PMPCB: variants seen among roughly 807,000 people sequenced by gnomAD.
PMPCB encodes the protein peptidase, mitochondrial processing subunit beta.
A neutral mutation model predicts 61.5 loss-of-function variants in PMPCB; 46 were observed. The ratio of observed to expected loss-of-function variants is 0.75; its 90% CI spans 0.59 to 0.96. PMPCB has a LOEUF of 0.96. Among genes scored for constraint, PMPCB ranks in the 40% least tolerant of loss-of-function variants. The probability of loss-of-function intolerance (pLI) is 0.00; values close to 1 mark genes in which losing one functional copy is unlikely to be tolerated. For synonymous variants in PMPCB, 191 were observed against 201.6 expected, an observed-to-expected ratio of 0.95 and a Z score of 0.44; for missense variants, 590 against 602.4, an observed-to-expected ratio of 0.98 and a Z score of 0.22.
At chr7:103,306,136 G>C (rs1277835117) in intron 6 of PMPCB, among the ~76,000 whole-genome samples, 1 of 152,012 alleles carries the variant, frequency 6.6e-6, no homozygotes, top group African/African-American at 2.4e-5. Flanking sequence ...TTATGTCTTG[G>C]CTACCATTTA....
At chr7:103,326,154 T>C (rs1818694058) in intron 12 of PMPCB, among the ~76,000 whole-genome samples, 1 of 151,902 alleles carries the variant, frequency 6.6e-6, no homozygotes, top group East Asian at 1.9e-4. Flanking sequence ...AATTTTTGTA[T>C]TTTAGTAGAG....
chr7:103,306,618 C>T (rs1817599672), intron 6 of PMPCB, among the ~76,000 whole-genome samples: 1 of 152,154 alleles, frequency 6.6e-6, no homozygotes, highest in Non-Finnish European at 1.5e-5. Context: ...CCTCTGACCT[C>T]AGGTGATCCG....
At position 103,314,571 on chromosome 7, in the gene PMPCB, G is replaced by T; in HGVS notation, c.*2300G>T. The T allele has an allele frequency of 1.0e-6, 1 of 985,342 alleles. No homozygotes were observed. The highest frequency in any genetic ancestry group is 1.2e-6 in the Non-Finnish European group (1 of 829,880). The allele number at this position is 985,342 out of a possible 1,614,324, so 61.0% of individuals were successfully genotyped here. On this transcript the variant is annotated 3_prime_UTR_variant, in exon 13 of 13. Coordinates refer to ENST00000249269, the MANE Select transcript of PMPCB (RefSeq NM_004279.3). ...AGTGTGCTAATACCTGTTGTATTTT[G>T]TGGAGATAAAGGTGCAGGAGAATAA...
At chr7:103,300,132 G>C (rs1817408591) in intron 3 of PMPCB, 46 bp from the exon 4 acceptor site, 1 of 1,556,074 alleles carries the variant, frequency 6.4e-7, no homozygotes, top group Non-Finnish European at 8.8e-7. Context: ...AATAGATGAA[G>C]TATAAAGGGA....
chr7:103,312,934 T>A lies in PMPCB; in HGVS notation c.*663T>A. On this transcript the variant is annotated 3_prime_UTR_variant, in exon 13 of 13. Coordinates refer to ENST00000249269, the MANE Select transcript of PMPCB (RefSeq NM_004279.3). ...TTAAAATACAACAATCTATAAACGC[T>A]TAAGTCTGCAACCTTGTATCGTTTC... The A allele has an allele frequency of 6.2e-7, 1 of 1,602,428 alleles. No homozygotes were observed. The highest frequency in any genetic ancestry group is 8.5e-7 in the Non-Finnish European group (1 of 1,177,144).
chr7:103,298,839 C>G, intron 2 of PMPCB, 131 bp downstream of exon 2: 1 of 816,894 alleles, frequency 1.2e-6, no homozygotes, highest in Non-Finnish European at 1.9e-6. Context: ...GACAGATTTC[C>G]ATGAGTTGTG....
downstream of PMPCB, among the ~76,000 whole-genome samples, chr7:103,330,138 C>T (rs1029741302): frequency 6.6e-6 from 1 of 152,196 alleles, no homozygotes; most frequent in South Asian, 2.1e-4. Context: ...TGTGCTTTCA[C>T]TACCTACTCA....
At chr7:103,340,485 A>G in the PMPCB span, among the ~76,000 whole-genome samples, 19 of 152,344 alleles carry the variant, frequency 1.2e-4, no homozygotes, top group African/African-American at 3.6e-4. Flanking sequence ...GGCATTTATC[A>G]TGCAGCAAGT....
downstream of PMPCB, among the ~76,000 whole-genome samples, chr7:103,332,482 A>G (rs1453398392): frequency 6.6e-6 from 1 of 152,228 alleles, no homozygotes; most frequent in Non-Finnish European, 1.5e-5. Flanking sequence ...CGATTCTCCA[A>G]TTACAAAATA....
chr7:103,318,394 T>C (rs537168083), downstream of PMPCB, among the ~76,000 whole-genome samples: 1 of 152,222 alleles, frequency 6.6e-6, no homozygotes, highest in African/African-American at 2.4e-5. Flanking sequence ...TTTATACTTC[T>C]ACTTCTATTT....
the PMPCB span, chr7:103,341,959 G>A: frequency 2.6e-6 from 4 of 1,558,294 alleles, no homozygotes; most frequent in African/African-American, 4.1e-5. Context: ...TAGAGGCTGT[G>A]ATTGAAAGTG....
chr7:103,309,938 TCTCCAAAATACATTTCATCTAAA>T (rs1182293852), intron 8 of PMPCB, among the ~76,000 whole-genome samples: 3 of 152,258 alleles, frequency 2.0e-5, no homozygotes, highest in African/African-American at 7.2e-5. Context: ...CTCATAGATT[TCTCCAAAATACATTTCATCTAAA>T]TAATCTTAAG....
intron 6 of PMPCB, among the ~76,000 whole-genome samples, chr7:103,305,434 T>C (rs1477847920): frequency 1.3e-5 from 2 of 152,214 alleles, no homozygotes; most frequent in Admixed American, 1.3e-4. Context: ...AATACATTTA[T>C]AGAAATAGAG....
chr7:103,303,640 G>A (rs1220112661), intron 4 of PMPCB, among the ~76,000 whole-genome samples: 1 of 151,942 alleles, frequency 6.6e-6, no homozygotes, highest in Non-Finnish European at 1.5e-5. Flanking sequence ...TTTTCCCCAA[G>A]GAAAAAATCT....
chr7:103,317,045 A>T (rs770243930), downstream of PMPCB: 5 of 1,570,962 alleles, frequency 3.2e-6, no homozygotes, highest in South Asian at 4.5e-5. Context: ...AGGGACTTAG[A>T]AGTATACTGT....
At chr7:103,337,846 A>T in the PMPCB span, 1 of 1,488,122 alleles carries the variant, frequency 6.7e-7, no homozygotes, top group Admixed American at 1.7e-5. Context: ...TCAAATTTGA[A>T]ATGAAGCCAA....
At position 103,298,703 on chromosome 7, in the gene PMPCB, T is replaced by C; in HGVS notation, c.235T>C (p.Cys79Arg). The stretch of plus-strand genomic sequence containing the variant: ...TTCGGAAGACTCTGGGCTCTCAACA[T>C]GCACAGTAAGTGACTCAGGCAACCT... The part of the protein sequence containing the change: ...VASEDSGLST[C>R]TVGLWIDAGS... The change falls in exon 2 of 13, where the codon TGC becomes CGC. Residue 79 changes from cysteine to arginine, a missense_variant. Transcript: ENST00000249269. The C allele has an allele frequency of 2.5e-6, 4 of 1,613,974 alleles. No individual in the cohort carries two copies. The highest frequency in any genetic ancestry group is 3.4e-6 in the Non-Finnish European group (4 of 1,179,902).
At chr7:103,303,773 G>C in intron 4 of PMPCB, 69 bp from the exon 5 acceptor site, 1 of 1,056,480 alleles carries the variant, frequency 9.5e-7, no homozygotes, top group East Asian at 2.6e-5. Context: ...TTCTGATTTT[G>C]GTTTAATAGA....
At chr7:103,344,568 G>A in the PMPCB span, 1 of 1,613,698 alleles carries the variant, frequency 6.2e-7, no homozygotes, top group Non-Finnish European at 8.5e-7. Context: ...CCAGAGGTCA[G>A]AGCGTGGGTG....
Sources: allele counts gnomAD v4.1 joint callset (sites outside exome capture counted in the v4.1 genomes callset), GRCh38; gene constraint gnomAD v4.1.1; transcripts MANE v1.5; gene names NCBI Gene and HGNC (gene_info 2026-07-23, HGNC 2026-07-21).